The following IDE variants were observed in gnomAD, a reference collection of about 807,000 sequenced individuals.
The protein encoded by IDE is insulin degrading enzyme.
IDE carries 58 observed loss-of-function variants against 133.2 expected under a neutral mutation model. The ratio of observed to expected loss-of-function variants is 0.44; its 90% CI spans 0.35 to 0.54. IDE has a LOEUF of 0.54. Among genes scored for constraint, IDE ranks in the 20% least tolerant of loss-of-function variants. The pLI is 0.00. For synonymous variants in IDE, 396 were observed against 421.3 expected (o/e 0.94, Z 0.73); for missense variants, 981 against 1,234.0 (o/e 0.79, Z 3.07).
intron 4 of IDE, among the ~76,000 whole-genome samples, chr10:92,521,165 T>C (rs750268197): frequency 6.6e-5 from 10 of 152,132 alleles, no homozygotes; most frequent in African/African-American, 1.2e-4. Flanking sequence ...GATGGAATAA[T>C]AGAATTAGCA....
intron 5 of IDE, among the ~76,000 whole-genome samples, chr10:92,514,377 CT>C (rs200269286): frequency 0.011 from 1,587 of 146,014 alleles, 13 homozygotes; most frequent in Admixed American, 0.03. Flanking sequence ...TCATCATCTG[CT>C]TTTTTTTTTT....
intron 4 of IDE, among the ~76,000 whole-genome samples, chr10:92,520,732 T>A (rs953762336): frequency 1.3e-5 from 2 of 152,208 alleles, no homozygotes; most frequent in Non-Finnish European, 2.9e-5. Flanking sequence ...TATATGCAAG[T>A]ACAAGATATG....
chr10:92,568,886 G>A (rs977861268), intron 1 of IDE, among the ~76,000 whole-genome samples: 3 of 152,010 alleles, frequency 2.0e-5, no homozygotes, highest in South Asian at 4.2e-4. Flanking sequence ...AATTGGACAG[G>A]TGAGCACAGA....
chr10:92,561,211 G>A (rs1476444840), intron 1 of IDE, among the ~76,000 whole-genome samples: 1 of 151,716 alleles, frequency 6.6e-6, no homozygotes, highest in Non-Finnish European at 1.5e-5. Context: ...AGCCGAGATG[G>A]CACCACTGCA....
intron 21 of IDE, among the ~76,000 whole-genome samples, chr10:92,463,189 G>A (rs1405304157): frequency 1.3e-5 from 2 of 152,234 alleles, no homozygotes; most frequent in Non-Finnish European, 2.9e-5. Context: ...TTCTAGTACA[G>A]CTTAGCACAA....
At chr10:92,493,447 A>T (rs3781238) in intron 11 of IDE, among the ~76,000 whole-genome samples, 15,010 of 149,770 alleles carry the variant, frequency 0.1, 869 homozygotes, top group South Asian at 0.17. Flanking sequence ...GCTGGAGTGG[A>T]GTGGACTTGC....
chr10:92,565,171 G>T (rs1843473257), intron 1 of IDE, among the ~76,000 whole-genome samples: 1 of 150,984 alleles, frequency 6.6e-6, no homozygotes, highest in African/African-American at 2.4e-5. Flanking sequence ...TTGAACCCAG[G>T]AGGCGGAGGC....
chr10:92,458,132 TC>T (rs1222280528), intron 22 of IDE, among the ~76,000 whole-genome samples: 1 of 152,186 alleles, frequency 6.6e-6, no homozygotes, highest in East Asian at 1.9e-4. Flanking sequence ...TCCTCATTTT[TC>T]TAAAAACAAA....
chr10:92,560,114 C>G (rs1843206642), intron 1 of IDE, among the ~76,000 whole-genome samples: 1 of 152,126 alleles, frequency 6.6e-6, no homozygotes, highest in South Asian at 2.1e-4. Context: ...CTAATTTGTT[C>G]ATTAATATTT....
At chr10:92,485,769 C>A (rs1342657579) in intron 13 of IDE, among the ~76,000 whole-genome samples, 3 of 152,022 alleles carry the variant, frequency 2.0e-5, no homozygotes, top group African/African-American at 7.3e-5. Context: ...ATAGCAAGAT[C>A]CCATCTCTAC....
chr10:92,527,983 T>C (rs780686776), intron 4 of IDE, among the ~76,000 whole-genome samples: 2 of 152,208 alleles, frequency 1.3e-5, no homozygotes, highest in Non-Finnish European at 2.9e-5. Flanking sequence ...GCCACTGTAC[T>C]CCAAAGAACG....
At chr10:92,526,887 G>A (rs1413149029) in intron 4 of IDE, among the ~76,000 whole-genome samples, 1 of 145,156 alleles carries the variant, frequency 6.9e-6, no homozygotes, top group Non-Finnish European at 1.5e-5. Flanking sequence ...GTCTCACTAT[G>A]TTGCCTAGAC....
intron 5 of IDE, among the ~76,000 whole-genome samples, chr10:92,510,538 T>C (rs1848525272): frequency 6.6e-6 from 1 of 152,050 alleles, no homozygotes; most frequent in Admixed American, 6.6e-5. Flanking sequence ...TTTAAATGTA[T>C]TTGCATTTTA....
intron 1 of IDE, among the ~76,000 whole-genome samples, chr10:92,540,110 G>T (rs1842222753): frequency 6.6e-6 from 1 of 152,046 alleles, no homozygotes; most frequent in South Asian, 2.1e-4. Context: ...GGACATGGTG[G>T]CGGGTGCCTG....
At chr10:92,489,723 C>T (rs1315513962) in intron 12 of IDE, among the ~76,000 whole-genome samples, 1 of 152,172 alleles carries the variant, frequency 6.6e-6, no homozygotes, top group Non-Finnish European at 1.5e-5. Flanking sequence ...ATGAATATGT[C>T]AGAGATCTGT....
chr10:92,499,591 C>A (rs1345608311), intron 11 of IDE, among the ~76,000 whole-genome samples: 2 of 152,052 alleles, frequency 1.3e-5, no homozygotes, highest in Non-Finnish European at 2.9e-5. Context: ...TACCACCACA[C>A]CCTGCTAATT....
chr10:92,545,793 G>A (rs78154170), intron 1 of IDE, among the ~76,000 whole-genome samples: 10,367 of 152,168 alleles, frequency 0.068, 536 homozygotes, highest in Non-Finnish European at 0.1. Context: ...AGAAAAAGAG[G>A]GCAAATACCA....
chr10:92,473,646 T>C (rs1217882016), intron 17 of IDE, among the ~76,000 whole-genome samples: 1 of 151,700 alleles, frequency 6.6e-6, no homozygotes, highest in Non-Finnish European at 1.5e-5. Context: ...AACCTGAACA[T>C]TGTGTGTTAA....
chr10:92,506,664 T>A, intron 9 of IDE, 142 bp from the exon 10 acceptor site: 1 of 481,484 alleles, frequency 2.1e-6, no homozygotes, highest in Non-Finnish European at 3.7e-6. Context: ...TGGCTATGCT[T>A]GATTTAGAAA....
Sources: gnomAD v4.1 joint callset for allele counts (sites outside exome capture counted in the v4.1 genomes callset) on GRCh38, gnomAD v4.1.1 for gene constraint, MANE v1.5 for transcripts, NCBI Gene and HGNC (gene_info 2026-07-23, HGNC 2026-07-21) for gene names.